The following ABLIM3 variants were observed in gnomAD, a reference collection of about 807,000 sequenced individuals.
The protein encoded by ABLIM3 is actin binding LIM protein family member 3.
In ABLIM3, 61 loss-of-function variants were observed where a neutral mutation model predicts 109.5. The ratio of observed to expected loss-of-function variants is 0.56; its 90% confidence interval spans 0.45 to 0.69. The LOEUF (loss-of-function observed/expected upper bound fraction) is 0.69. ABLIM3 is among the 30% of genes least tolerant of loss of function. The pLI, the probability that ABLIM3 is intolerant of heterozygous loss-of-function variation, is 0.00. For synonymous variants in ABLIM3, 300 were observed against 324.8 expected, an observed-to-expected ratio of 0.92 and a Z score of 0.82; for missense variants, 796 against 889.5, an observed-to-expected ratio of 0.89 and a Z score of 1.34.
chr5:149,148,199 A>G (rs955738867), intron 2 of ABLIM3, among the ~76,000 whole-genome samples: 3 of 152,190 alleles, frequency 2.0e-5, no homozygotes, highest in African/African-American at 7.2e-5. Context: ...TTTTAGTTTC[A>G]TTAGAATCCT....
chr5:149,142,157 G>GGGGC, intron 2 of ABLIM3, 49 bp downstream of exon 2: 1 of 1,535,610 alleles, frequency 6.5e-7, no homozygotes, highest in Non-Finnish European at 9.0e-7. Context: ...GTGGGGGCGG[G>GGGGC]AGGTGAGGGA....
intron 8 of ABLIM3, among the ~76,000 whole-genome samples, chr5:149,222,856 C>A (rs1303447415): frequency 6.6e-6 from 1 of 152,078 alleles, no homozygotes; most frequent in South Asian, 2.1e-4. Context: ...CATGAAACCA[C>A]CCTCTAAAAG....
chr5:149,239,205 T>G (rs770837187), intron 11 of ABLIM3, 43 bp from the exon 12 acceptor site: 2 of 1,608,828 alleles, frequency 1.2e-6, no homozygotes, highest in African/African-American at 1.3e-5. Flanking sequence ...CTCTCATTCC[T>G]TCTGCTCGTT....
intron 3 of ABLIM3, among the ~76,000 whole-genome samples, chr5:149,189,102 G>C (rs1757245012): frequency 6.6e-6 from 1 of 152,174 alleles, no homozygotes; most frequent in African/African-American, 2.4e-5. Context: ...GATAATTCAA[G>C]AGGGGAAGAA....
chr5:149,252,827 C>A lies in ABLIM3; in HGVS notation c.1928C>A (p.Thr643Asn). 1 of 1,613,018 alleles carries A rather than the reference C, an allele frequency of 6.2e-7. No individual in the cohort carries two copies. The highest frequency in any genetic ancestry group is 8.5e-7 in the Non-Finnish European group (1 of 1,179,192). Residue 643 changes from threonine (T) to asparagine (N), a missense_variant, in exon 23 of 24, where the codon ACC (threonine) becomes AAC (asparagine). By Grantham distance (65) the Thr-to-Asn change is moderately conservative. Transcript: ENST00000309868. ...CGACTGCCCAAGGATGTAGACAGGA[C>A]CCGTTTAGAGGTAAGTCTAAAAAAC... ...RNRLPKDVDR[T>N]RLERHLSQEE...
At chr5:149,188,727 G>C (rs1236908915) in intron 3 of ABLIM3, among the ~76,000 whole-genome samples, 1 of 152,094 alleles carries the variant, frequency 6.6e-6, no homozygotes, top group African/African-American at 2.4e-5. Flanking sequence ...ATCACACAAA[G>C]GCCCATCTCT....
chr5:149,247,681 G>A (rs770227557), intron 17 of ABLIM3, 101 bp from the exon 18 acceptor site: 5 of 1,468,442 alleles, frequency 3.4e-6, no homozygotes, highest in Non-Finnish European at 4.7e-6. Context: ...ATGAGAGCAG[G>A]CTGCTATGGA....
rs370200723 is a variant in ABLIM3, at chr5:149,192,493, C to T, written c.152-5726C>T. On this transcript the variant is annotated intron_variant, in intron 3 of 23. Transcript: ENST00000309868. ...TCTATCTACAGAAACACTCCACCTA[C>T]GGGGCGCCTGTAGTCCCAGCTACTC... 4.6e-5 allele frequency among the ~76,000 whole-genome samples: 7 copies of T among 151,630 alleles called. 1 individual carries two copies. In the East Asian group the frequency reaches 5.8e-4, roughly 13 times the overall value.
At chr5:149,191,092 C>T (rs1200790017) in intron 3 of ABLIM3, among the ~76,000 whole-genome samples, 2 of 151,952 alleles carry the variant, frequency 1.3e-5, no homozygotes, top group African/African-American at 4.8e-5. Context: ...GGAAATAATA[C>T]AATAGACATT....
chr5:149,252,483 G>A (rs1754026109), intron 22 of ABLIM3: 10 of 544,332 alleles, frequency 1.8e-5, no homozygotes, highest in Admixed American at 1.7e-4. Flanking sequence ...ACTTACATTC[G>A]GGAGGTCATG....
At chr5:149,204,515 C>T (rs1758783064) in intron 5 of ABLIM3, among the ~76,000 whole-genome samples, 1 of 152,170 alleles carries the variant, frequency 6.6e-6, no homozygotes, top group Non-Finnish European at 1.5e-5. Flanking sequence ...GAGAAGATGT[C>T]CCAGAATTCT....
chr5:149,142,886 G>A (rs936278910), intron 2 of ABLIM3, among the ~76,000 whole-genome samples: 10 of 152,092 alleles, frequency 6.6e-5, no homozygotes, highest in African/African-American at 2.4e-4. Flanking sequence ...GCATATCTTG[G>A]TTCCAGACTC....
intron 2 of ABLIM3, among the ~76,000 whole-genome samples, chr5:149,162,444 C>T (rs78967297): frequency 0.075 from 11,361 of 152,232 alleles, 444 homozygotes; most frequent in South Asian, 0.11. Flanking sequence ...ATTCCAAAAG[C>T]ATAGTCTCTA....
At chr5:149,230,567 C>T (rs370835064) in intron 8 of ABLIM3, 82 bp from the exon 9 acceptor site, 18 of 1,462,836 alleles carry the variant, frequency 1.2e-5, no homozygotes, top group South Asian at 4.6e-5. Flanking sequence ...ACGCTGACCA[C>T]GGAGTGAATC....
Position 149,198,332 on chromosome 5 carries a change from A to G in ABLIM3, c.265A>G (p.Ile89Val), listed in dbSNP as rs780870461. 6.2e-7 allele frequency: 1 copy of G among 1,614,112 alleles called. No homozygotes were observed. Among genetic ancestry groups the G allele is most frequent in the Non-Finnish European group, 8.5e-7 (1 of 1,180,012 alleles). The stretch of plus-strand genomic sequence containing the variant: ...CCGCTGTGACAGCTGCCGGGACTTC[A>G]TCACAGGCGAAGTCATCTCGGCCCT... ...GTRCDSCRDF[I>V]TGEVISALGR... Residue 89 changes from isoleucine to valine, a missense_variant, in exon 4 of 24, where the codon ATC (isoleucine) becomes GTC (valine). Ile to Val is a conservative substitution (Grantham distance 29). Transcript: ENST00000309868. This position sits in a 1 kb window ranked among gnomAD's most constrained non-coding sequence, Gnocchi z 4.2.
chr5:149,246,905 A>T (rs1311744164), intron 17 of ABLIM3, among the ~76,000 whole-genome samples: 2 of 152,252 alleles, frequency 1.3e-5, no homozygotes, highest in Admixed American at 1.3e-4. Context: ...GTTCCTCAAA[A>T]ATTAAACATA....
chr5:149,232,100 G>A (rs965130477), intron 9 of ABLIM3, among the ~76,000 whole-genome samples: 1 of 152,196 alleles, frequency 6.6e-6, no homozygotes, highest in Non-Finnish European at 1.5e-5. Flanking sequence ...GAGGTCAGTA[G>A]TTCGAGACCA....
At chr5:149,205,107 A>G (rs1299484852) in intron 5 of ABLIM3, among the ~76,000 whole-genome samples, 1 of 152,256 alleles carries the variant, frequency 6.6e-6, no homozygotes, top group Non-Finnish European at 1.5e-5. Flanking sequence ...TAAAGAAGAG[A>G]GAAACTATAG....
intron 11 of ABLIM3, 91 bp from the exon 12 acceptor site, chr5:149,239,157 G>A (rs532617934): frequency 7.0e-5 from 91 of 1,300,540 alleles, no homozygotes; most frequent in African/African-American, 3.5e-4. Flanking sequence ...CCTCTCTGCC[G>A]AGCCATCTAA....
Sources: gnomAD v4.1 joint callset for allele counts (sites outside exome capture counted in the v4.1 genomes callset) on GRCh38, gnomAD v4.1.1 for gene constraint, Gnocchi (gnomAD v3.1) non-coding constraint, MANE v1.5 for transcripts, NCBI Gene and HGNC (gene_info 2026-07-23, HGNC 2026-07-21) for gene names.